GAS7: variants seen among roughly 807,000 people sequenced by gnomAD.
GAS7 encodes the protein growth arrest-specific protein 7.
In GAS7, 28 loss-of-function variants were observed where a neutral mutation model predicts 71.1. The ratio of observed to expected loss-of-function variants is 0.39; its 90% CI spans 0.29 to 0.54. The LOEUF (loss-of-function observed/expected upper bound fraction) is 0.54, where lower values mean the gene tolerates loss of function less well. Ranked by LOEUF, GAS7 falls within the 20% of genes least tolerant of loss-of-function variation. GAS7 has a pLI of 0.62. For missense variants in GAS7, 436 were observed against 627.8 expected (o/e 0.69, Z 3.27); for synonymous variants, 258 against 245.8 (o/e 1.05, Z -0.46).
In GAS7 at chr17:9,926,859, T is replaced by C. The variant is rs2068021754; in HGVS notation, c.886-90A>G. ...GAGGGATGGGAGGGGCACCCCCACT[T>C]CCCCAGGCAAGTGAGGATGAGTCTG... On this transcript the variant is annotated intron_variant, in intron 9 of 13. Transcript: ENST00000432992. This position sits in a 1 kb window ranked among gnomAD's most constrained non-coding sequence, Gnocchi z 5.0. The C allele has an allele frequency of 2.9e-6, 4 of 1,388,250 alleles. No homozygotes were observed. The South Asian group carries it at 4.7e-5, about 16-fold the overall frequency. 86.0% of individuals were successfully genotyped at this position (1,388,250 alleles called of 1,614,324 possible).
At chr17:10,138,943 A>G (rs2074060897) in intron 1 of GAS7, among the ~76,000 whole-genome samples, 1 of 152,204 alleles carries the variant, frequency 6.6e-6, no homozygotes, top group South Asian at 2.1e-4. Context: ...TGAAAAAAAT[A>G]TATGATCATC....
Position 9,959,619 on chromosome 17 carries a change from G to A in GAS7, c.472-364C>T, listed in dbSNP as rs2069398379. 1 of 391,990 alleles carries A rather than the reference G, an allele frequency of 2.6e-6. No individual in the cohort carries two copies. Among genetic ancestry groups the A allele is most frequent in the Non-Finnish European group, 4.4e-6 (1 of 224,806 alleles). The allele number at this position is 391,990 out of a possible 1,614,324, so 24.3% of individuals were successfully genotyped here. A position where few individuals can be genotyped will look rare whatever the true frequency, so the allele number is the denominator to read the frequency against. On this transcript the variant is annotated intron_variant, in intron 4 of 13. Coordinates refer to ENST00000432992, the MANE Select transcript of GAS7 (RefSeq NM_201433.2). The surrounding 1 kb of genome is among the most constrained non-coding windows in gnomAD (Gnocchi z 5.0). ...CTGCCTGAAGCCGCGGAATCCACTG[G>A]GGAGAAGAGAGTTAAGGCCACCACC...
intron 1 of GAS7, among the ~76,000 whole-genome samples, chr17:10,080,279 G>A (rs941061576): frequency 6.6e-6 from 1 of 152,150 alleles, no homozygotes; most frequent in African/African-American, 2.4e-5. Context: ...CAGATGCCAG[G>A]AAGTTACCCT....
intron 1 of GAS7, among the ~76,000 whole-genome samples, chr17:10,072,215 C>T (rs961228572): frequency 6.6e-6 from 1 of 152,122 alleles, no homozygotes; most frequent in Non-Finnish European, 1.5e-5. Context: ...AGCACCTCTA[C>T]CTGCCTCACT....
intron 9 of GAS7, among the ~76,000 whole-genome samples, chr17:9,930,887 G>A (rs560540462): frequency 2.0e-5 from 3 of 152,210 alleles, no homozygotes; most frequent in African/African-American, 4.8e-5. Context: ...GGAAGCAGCC[G>A]AGAGCCTCTC....
In GAS7 at chr17:10,137,976, T is replaced by G. The variant is rs913561331; in HGVS notation, c.183+60232A>C. On this transcript the variant is annotated intron_variant, in intron 1 of 13. Coordinates refer to ENST00000432992, the MANE Select transcript of GAS7 (RefSeq NM_201433.2). Reference sequence around the variant, plus strand: ...TTTTTTCAAGGTTTTTTTTTTCTTTTTTTGAGACGGAGTCTTGCTTCTGTT... The same window carrying G: ...TTTTTTCAAGGTTTTTTTTTTCTTTGTTTGAGACGGAGTCTTGCTTCTGTT... Among the ~76,000 whole-genome samples, 6 of 152,140 alleles carry G rather than the reference T, an allele frequency of 3.9e-5. No individual in the cohort carries two copies. The East Asian group carries it at 9.7e-4, about 25-fold the overall frequency.
At chr17:9,967,057 C>T (rs9908710) in intron 4 of GAS7, among the ~76,000 whole-genome samples, 33,863 of 151,668 alleles carry the variant, frequency 0.22, 3,878 homozygotes, top group Middle Eastern at 0.29. Flanking sequence ...CCAAGGTTAC[C>T]ATCCAAAAAG....
At chr17:10,011,127 A>G (rs1190210741) in intron 2 of GAS7, among the ~76,000 whole-genome samples, 3 of 152,194 alleles carry the variant, frequency 2.0e-5, no homozygotes, top group East Asian at 3.9e-4. Context: ...TGAGGGTGGA[A>G]ACAGATGTTC....
At chr17:10,019,250 T>C (rs951007976) in intron 2 of GAS7, among the ~76,000 whole-genome samples, 1 of 152,098 alleles carries the variant, frequency 6.6e-6, no homozygotes, top group Non-Finnish European at 1.5e-5. Flanking sequence ...ACCCCCGGCA[T>C]TTCCCAAAAA....
chr17:10,071,055 C>CAGA (rs1291523487), intron 1 of GAS7, among the ~76,000 whole-genome samples: 4 of 151,956 alleles, frequency 2.6e-5, no homozygotes, highest in African/African-American at 9.7e-5. Context: ...TCTGGAACAC[C>CAGA]TGCTCAGCCC....
intron 1 of GAS7, among the ~76,000 whole-genome samples, chr17:10,048,514 C>T (rs1399703594): frequency 6.6e-6 from 1 of 152,222 alleles, no homozygotes; most frequent in Admixed American, 6.5e-5. Context: ...CAGGGCCTGG[C>T]ATCACCCCTT....
intron 1 of GAS7, among the ~76,000 whole-genome samples, chr17:10,071,470 G>A (rs1453709761): frequency 2.6e-5 from 4 of 152,188 alleles, no homozygotes; most frequent in Admixed American, 1.3e-4. Context: ...ACATGAGGAG[G>A]TGGGTGCAAT....
At chr17:10,094,987 T>C (rs980758051) in intron 1 of GAS7, among the ~76,000 whole-genome samples, 1 of 152,186 alleles carries the variant, frequency 6.6e-6, no homozygotes, top group African/African-American at 2.4e-5. Flanking sequence ...CTCAACTGGA[T>C]GGCCTCCAGA....
chr17:10,146,711 G>A (rs888536793), intron 1 of GAS7, among the ~76,000 whole-genome samples: 23 of 152,176 alleles, frequency 1.5e-4, no homozygotes, highest in African/African-American at 4.3e-4. Context: ...CTGGCCGGGC[G>A]CGGTGGCTCA....
intron 1 of GAS7, among the ~76,000 whole-genome samples, chr17:10,045,533 C>T (rs1396696220): frequency 1.3e-5 from 2 of 152,098 alleles, no homozygotes; most frequent in Non-Finnish European, 2.9e-5. Context: ...CCCGTCTCTA[C>T]TAAAAATATA....
At chr17:9,977,060 C>T (rs925300662) in intron 3 of GAS7, among the ~76,000 whole-genome samples, 23 of 152,274 alleles carry the variant, frequency 1.5e-4, no homozygotes, top group African/African-American at 4.1e-4. Flanking sequence ...TCGTAATGCA[C>T]GATGTCAATT....
At chr17:9,977,093 G>A (rs936568530) in intron 3 of GAS7, among the ~76,000 whole-genome samples, 1 of 152,210 alleles carries the variant, frequency 6.6e-6, no homozygotes, top group African/African-American at 2.4e-5. Context: ...CAAATGTACC[G>A]TGGTTATGTA....
intron 1 of GAS7, chr17:10,061,448 A>G (rs1597763424): frequency 6.6e-6 from 1 of 152,020 alleles, no homozygotes. Context: ...TCTCCTCCCC[A>G]CCCATGACTC....
At chr17:10,051,734 A>G (rs2073065005) in intron 1 of GAS7, among the ~76,000 whole-genome samples, 1 of 152,200 alleles carries the variant, frequency 6.6e-6, no homozygotes, top group African/African-American at 2.4e-5. Flanking sequence ...AAATGGCCTC[A>G]TGTGCCTTCA....
Sources: gnomAD v4.1 joint callset for allele counts (sites outside exome capture counted in the v4.1 genomes callset) on GRCh38, gnomAD v4.1.1 for gene constraint, Gnocchi (gnomAD v3.1) non-coding constraint, MANE v1.5 for transcripts, NCBI Gene and HGNC (gene_info 2026-07-23, HGNC 2026-07-21) for gene names.